STXBP4: variants seen among roughly 807,000 people sequenced by gnomAD.
STXBP4 encodes syntaxin-binding protein 4.
A neutral mutation model predicts 76.1 loss-of-function variants in STXBP4; 55 were observed. That is an observed-to-expected ratio of 0.72 (90% CI 0.58 to 0.91). STXBP4 has a LOEUF of 0.91. Ranked by LOEUF, STXBP4 falls within the 40% of genes least tolerant of loss-of-function variation. STXBP4 has a pLI of 0.00. For synonymous variants in STXBP4, 201 were observed against 220.2 expected (o/e 0.91, Z 0.77); for missense variants, 618 against 636.9 (o/e 0.97, Z 0.32).
At chr17:55,078,578 A>G (rs2079217186) in intron 14 of STXBP4, 108 bp from the exon 15 acceptor site, 2 of 683,392 alleles carry the variant, frequency 2.9e-6, no homozygotes, top group Admixed American at 2.9e-5. Context: ...TAATAGAAGC[A>G]TCAGTTTAAT....
intron 7 of STXBP4, among the ~76,000 whole-genome samples, chr17:55,002,845 T>C (rs1261723406): frequency 1.3e-5 from 2 of 152,196 alleles, no homozygotes; most frequent in Admixed American, 6.5e-5. Flanking sequence ...AGCACTTATA[T>C]TGTAATTAGT....
intron 12 of STXBP4, among the ~76,000 whole-genome samples, chr17:55,067,947 G>A (rs1046320759): frequency 6.6e-6 from 1 of 152,042 alleles, no homozygotes; most frequent in East Asian, 1.9e-4. Context: ...TATGTCAGAG[G>A]TCTGTTAAAA....
chr17:55,142,152 T>G (rs555641053), intron 17 of STXBP4, among the ~76,000 whole-genome samples: 1 of 152,330 alleles, frequency 6.6e-6, no homozygotes, highest in African/African-American at 2.4e-5. Context: ...GACCCATCCT[T>G]AAAGCCTGAA....
chr17:55,069,730 T>G (rs2079099248), intron 12 of STXBP4, among the ~76,000 whole-genome samples: 1 of 152,194 alleles, frequency 6.6e-6, no homozygotes, highest in African/African-American at 2.4e-5. Context: ...CAACTACATT[T>G]CACACTGTAT....
chr17:55,008,210 C>T (rs867440966), intron 8 of STXBP4, among the ~76,000 whole-genome samples: 357 of 145,558 alleles, frequency 2.5e-3, no homozygotes, highest in African/African-American at 6.8e-3. Context: ...AAATAAGCCC[C>T]TTTTTTTTTT....
chr17:54,970,189 GTA>G (rs2077372248), intron 1 of STXBP4, among the ~76,000 whole-genome samples: 1 of 152,190 alleles, frequency 6.6e-6, no homozygotes, highest in Non-Finnish European at 1.5e-5. Context: ...CAAAGGCCTG[GTA>G]ATACCAGCCT....
At position 55,171,808 on chromosome 17, in the gene STXBP4, GC is replaced by G. The variant is rs747907242; in HGVS notation, c.*11900del. 1 of 152,266 alleles carries G rather than the reference GC, an allele frequency of 6.6e-6. No homozygotes were observed. Among genetic ancestry groups the G allele is most frequent in the Non-Finnish European group, 1.5e-5 (1 of 68,096 alleles). 9.4% of individuals were successfully genotyped at this position (152,266 alleles called of 1,614,324 possible). A position where few individuals can be genotyped will look rare whatever the true frequency, so the allele number is the denominator to read the frequency against. On this transcript the variant is annotated 3_prime_UTR_variant, in exon 18 of 18. Transcript: ENST00000376352. ...CCCTGGGGCCTTCAGAGGGAGCGGT[GC>G]CCAGCTGACACCTTGACCTTGGACT...
intron 11 of STXBP4, chr17:55,043,829 G>A: frequency 1.7e-6 from 1 of 594,048 alleles, no homozygotes; most frequent in Middle Eastern, 2.8e-4. Context: ...TTTTTTGTTT[G>A]TTTGGTTTTT....
At chr17:55,190,067 C>T in the STXBP4 span, among the ~76,000 whole-genome samples, 1 of 152,104 alleles carries the variant, frequency 6.6e-6, no homozygotes, top group African/African-American at 2.4e-5. Flanking sequence ...GCTAGATTTC[C>T]AAGTGGGGAA....
At chr17:55,037,358 T>A (rs1486808438) in intron 10 of STXBP4, among the ~76,000 whole-genome samples, 1 of 152,164 alleles carries the variant, frequency 6.6e-6, no homozygotes, top group Non-Finnish European at 1.5e-5. Flanking sequence ...CAGAGTATTT[T>A]GTATGAGCAA....
At chr17:54,984,673 C>T (rs568353122) in intron 1 of STXBP4, among the ~76,000 whole-genome samples, 21 of 152,098 alleles carry the variant, frequency 1.4e-4, no homozygotes, top group African/African-American at 4.6e-4. Context: ...AGATATGTTC[C>T]TCCTGCACCT....
the STXBP4 span, among the ~76,000 whole-genome samples, chr17:55,202,154 C>A: frequency 1.3e-5 from 2 of 151,924 alleles, no homozygotes; most frequent in Admixed American, 6.6e-5. Context: ...CACCTTATGC[C>A]CCACACTCAT....
intron 10 of STXBP4, among the ~76,000 whole-genome samples, chr17:55,040,297 T>C (rs942942887): frequency 3.3e-5 from 5 of 151,948 alleles, no homozygotes; most frequent in Admixed American, 3.3e-4. Flanking sequence ...AGAGGAAAGA[T>C]GTATAAGCCA....
intron 4 of STXBP4, among the ~76,000 whole-genome samples, chr17:54,997,842 C>T (rs1175693220): frequency 2.0e-5 from 3 of 150,478 alleles, no homozygotes; most frequent in African/African-American, 4.9e-5. Context: ...TCTGCCTCAG[C>T]CTCTCAAAGT....
rs150432576 is a variant in STXBP4 at position 54,977,411 on chromosome 17, C to T, written c.-156-8203C>T. Among the ~76,000 whole-genome samples the T allele has an allele frequency of 5.3e-5, 8 of 152,212 alleles. No homozygotes were observed. In the East Asian group the frequency reaches 1.5e-3, roughly 29 times the overall value. On this transcript the variant is annotated intron_variant, in intron 1 of 17. Coordinates refer to ENST00000376352, the MANE Select transcript of STXBP4 (RefSeq NM_178509.6). ...TCATGCCCTAAATAATATAGCATAACATATTTACATTGTGTTTTGTATTAT... is the reference window on the plus strand; with the variant it reads ...TCATGCCCTAAATAATATAGCATAATATATTTACATTGTGTTTTGTATTAT...
chr17:55,084,217 T>A (rs1248332300), intron 16 of STXBP4, among the ~76,000 whole-genome samples: 1 of 152,202 alleles, frequency 6.6e-6, no homozygotes, highest in Non-Finnish European at 1.5e-5. Flanking sequence ...TGCTTTGCAT[T>A]TCTCTGATGG....
At chr17:55,192,881 C>A in the STXBP4 span, among the ~76,000 whole-genome samples, 1 of 152,150 alleles carries the variant, frequency 6.6e-6, no homozygotes, top group Non-Finnish European at 1.5e-5. Flanking sequence ...AGAGGAGCCT[C>A]TCTGATGAGG....
At position 55,168,169 on chromosome 17, in the gene STXBP4, C is replaced by G. The variant is rs2080386346; in HGVS notation, c.*8258C>G. The G allele has an allele frequency of 2.0e-5, 3 of 151,516 alleles. No individual in the cohort carries two copies. In the South Asian group the frequency reaches 6.3e-4, roughly 32 times the overall value. 9.4% of individuals were successfully genotyped at this position (151,516 alleles called of 1,614,324 possible). Reference sequence around the variant, plus strand: ...AGGGAAATTTGAAGGAAATAGAATGCATACATACACACACATACACTTAGT... The same window carrying G: ...AGGGAAATTTGAAGGAAATAGAATGGATACATACACACACATACACTTAGT... On this transcript the variant is annotated 3_prime_UTR_variant, in exon 18 of 18. Transcript: ENST00000376352.
chr17:55,159,013 G>C (rs1330040395), intron 17 of STXBP4, among the ~76,000 whole-genome samples: 1 of 152,216 alleles, frequency 6.6e-6, no homozygotes, highest in African/African-American at 2.4e-5. Context: ...GGGAGGCCAA[G>C]GTGGGTGGAT....
Sources: gnomAD v4.1 joint callset for allele counts (sites outside exome capture counted in the v4.1 genomes callset) on GRCh38, gnomAD v4.1.1 for gene constraint, MANE v1.5 for transcripts, NCBI Gene and HGNC (gene_info 2026-07-23, HGNC 2026-07-21) for gene names.